The following SPOCK3 variants were observed in gnomAD, a reference collection of about 807,000 sequenced individuals.
SPOCK3 encodes testican-3.
In SPOCK3, 30 loss-of-function variants were observed where a neutral mutation model predicts 56.6. That is an observed-to-expected ratio of 0.53 (90% CI 0.40 to 0.72). The LOEUF (loss-of-function observed/expected upper bound fraction) is 0.72. Ranked by LOEUF, SPOCK3 falls within the 30% of genes least tolerant of loss-of-function variation. The probability of loss-of-function intolerance (pLI) is 0.00; values close to 1 mark genes in which losing one functional copy is unlikely to be tolerated. For synonymous variants in SPOCK3, 196 were observed against 183.3 expected (o/e 1.07, Z -0.56); for missense variants, 527 against 530.0 (o/e 0.99, Z 0.06).
chr4:166,918,499 C>CT (rs1402588192), intron 4 of SPOCK3: 1 of 151,908 alleles, frequency 6.6e-6, no homozygotes, highest in African/African-American at 2.4e-5. Context: ...GACTAAAATA[C>CT]TTTATAAAAT....
At chr4:166,792,030 T>C (rs1367279577) in intron 7 of SPOCK3, 140 bp downstream of exon 7, 1 of 943,526 alleles carries the variant, frequency 1.1e-6, no homozygotes, top group African/African-American at 1.7e-5. Context: ...CAGGTGTGCT[T>C]GGAAGTAATA....
chr4:166,830,887 C>A (rs910327366), intron 6 of SPOCK3, among the ~76,000 whole-genome samples: 3 of 152,080 alleles, frequency 2.0e-5, no homozygotes, highest in African/African-American at 7.2e-5. Flanking sequence ...CTATTTAATT[C>A]TTTTGTAATT....
chr4:167,035,016 C>T (rs1356610944), intron 3 of SPOCK3, among the ~76,000 whole-genome samples: 1 of 151,968 alleles, frequency 6.6e-6, no homozygotes, highest in African/African-American at 2.4e-5. Flanking sequence ...CTTTATAAAC[C>T]AGTTTAAACC....
intron 2 of SPOCK3, among the ~76,000 whole-genome samples, chr4:167,065,100 T>C (rs933883864): frequency 1.4e-5 from 2 of 140,260 alleles, no homozygotes; most frequent in African/African-American, 5.5e-5. Context: ...CATTTATTGC[T>C]ATAGTAAATG....
rs1439165634 is a variant in SPOCK3 at position 166,733,597 on chromosome 4, C to T, written c.*1324G>A. 6.6e-6 allele frequency: 1 copy of T among 151,944 alleles called. No homozygotes were observed. The highest frequency in any genetic ancestry group is 2.4e-5 in the African/African-American group (1 of 41,398). 9.4% of individuals were successfully genotyped at this position (151,944 alleles called of 1,614,324 possible). A position where few individuals can be genotyped will look rare whatever the true frequency, so the allele number is the denominator to read the frequency against. On this transcript the variant is annotated 3_prime_UTR_variant, in exon 11 of 11. Coordinates refer to ENST00000357545, the MANE Select transcript of SPOCK3 (RefSeq NM_001040159.2). ...AAAGATACCAATACGTAACATTCAA[C>T]AGGTTTTTCCATTTTTATTATGGGC... is the stretch of plus-strand genomic sequence containing the variant.
Position 167,234,451 on chromosome 4 carries a change from T to G in SPOCK3, c.-2A>C. 1 of 540,340 alleles carries G rather than the reference T, an allele frequency of 1.9e-6. No homozygotes were observed. Among genetic ancestry groups the G allele is most frequent in the Non-Finnish European group, 3.3e-6 (1 of 299,310 alleles). The allele number at this position is 540,340 out of a possible 1,614,324, so 33.5% of individuals were successfully genotyped here. Reference sequence around the variant, plus strand: ...CAAAACCGCTTCCTGGCACATCACCTTGTTGTGAGCCAGCACTGTGCTCGC... The same window carrying G: ...CAAAACCGCTTCCTGGCACATCACCGTGTTGTGAGCCAGCACTGTGCTCGC... On this transcript the variant is annotated splice_region_variant and 5_prime_UTR_variant, in exon 1 of 11. Coordinates refer to ENST00000357545, the MANE Select transcript of SPOCK3 (RefSeq NM_001040159.2).
intron 6 of SPOCK3, among the ~76,000 whole-genome samples, chr4:166,840,373 A>T (rs1348248221): frequency 6.6e-6 from 1 of 152,188 alleles, no homozygotes; most frequent in African/African-American, 2.4e-5. Context: ...CATTATTTTT[A>T]AAATCTTATT....
chr4:166,951,793 A>C (rs1742656571), intron 4 of SPOCK3, among the ~76,000 whole-genome samples: 1 of 151,524 alleles, frequency 6.6e-6, no homozygotes, highest in African/African-American at 2.4e-5. Context: ...CAAATCAATA[A>C]ATGTAATCCA....
chr4:166,738,456 T>A (rs1052464283), intron 9 of SPOCK3, among the ~76,000 whole-genome samples: 3 of 151,564 alleles, frequency 2.0e-5, no homozygotes, highest in Non-Finnish European at 4.4e-5. Flanking sequence ...TTTTACTCTA[T>A]GGTTTTTTTT....
intron 6 of SPOCK3, among the ~76,000 whole-genome samples, chr4:166,833,545 TG>T (rs1402832183): frequency 1.3e-5 from 2 of 152,204 alleles, no homozygotes; most frequent in Non-Finnish European, 2.9e-5. Context: ...CAAACACATT[TG>T]GCATTACATT....
chr4:166,953,592 C>A (rs1156344600), intron 4 of SPOCK3, among the ~76,000 whole-genome samples: 2 of 152,086 alleles, frequency 1.3e-5, no homozygotes, highest in Admixed American at 6.6e-5. Context: ...TGGGTATATA[C>A]CCAAAGGACT....
intron 2 of SPOCK3, among the ~76,000 whole-genome samples, chr4:167,196,555 T>G (rs1732972321): frequency 6.6e-6 from 1 of 152,130 alleles, no homozygotes; most frequent in African/African-American, 2.4e-5. Context: ...CTGAATTTAT[T>G]GATTCCGTAA....
intron 4 of SPOCK3, among the ~76,000 whole-genome samples, chr4:166,956,954 A>C (rs1052542308): frequency 6.6e-6 from 1 of 152,176 alleles, no homozygotes; most frequent in Admixed American, 6.6e-5. Flanking sequence ...GCAGTTGTAC[A>C]TGTTTAAAAG....
At chr4:167,133,946 A>T (rs1370122168) in intron 2 of SPOCK3, among the ~76,000 whole-genome samples, 1 of 152,132 alleles carries the variant, frequency 6.6e-6, no homozygotes, top group Non-Finnish European at 1.5e-5. Context: ...ACTACTACAA[A>T]AATTAATATG....
At chr4:167,227,600 C>A (rs1049394766) in intron 2 of SPOCK3, among the ~76,000 whole-genome samples, 1 of 151,716 alleles carries the variant, frequency 6.6e-6, no homozygotes, top group African/African-American at 2.4e-5. Flanking sequence ...AATCTGTAAA[C>A]TAGAAGAGGT....
intron 4 of SPOCK3, among the ~76,000 whole-genome samples, chr4:166,999,962 A>G (rs1475846756): frequency 6.6e-6 from 1 of 152,060 alleles, no homozygotes; most frequent in African/African-American, 2.4e-5. Flanking sequence ...AACATCAATC[A>G]TTTTCTCTCC....
At chr4:166,884,461 C>A (rs1287657550) in intron 6 of SPOCK3, among the ~76,000 whole-genome samples, 1 of 151,724 alleles carries the variant, frequency 6.6e-6, no homozygotes, top group African/African-American at 2.4e-5. Flanking sequence ...AAATATTTTG[C>A]AAAATATGCA....
At chr4:166,843,526 C>G (rs529906238) in intron 6 of SPOCK3, among the ~76,000 whole-genome samples, 1 of 152,160 alleles carries the variant, frequency 6.6e-6, no homozygotes, top group Non-Finnish European at 1.5e-5. Flanking sequence ...AATTATCTTA[C>G]TCGTCTTGAA....
chr4:166,999,636 G>C (rs1053511005), intron 4 of SPOCK3, among the ~76,000 whole-genome samples: 3 of 152,062 alleles, frequency 2.0e-5, no homozygotes, highest in Admixed American at 1.3e-4. Context: ...TAAAGGAAAC[G>C]AATACACCAC....
Sources: gnomAD v4.1 joint callset for allele counts (sites outside exome capture counted in the v4.1 genomes callset) on GRCh38, gnomAD v4.1.1 for gene constraint, MANE v1.5 for transcripts, NCBI Gene and HGNC (gene_info 2026-07-23, HGNC 2026-07-21) for gene names.